The following ARB2A variants were observed in gnomAD, a reference collection of about 807,000 sequenced individuals.
The protein encoded by ARB2A is cotranscriptional regulator ARB2A.
chr5:94,080,249 T>A, the ARB2A span, among the ~76,000 whole-genome samples: 1 of 152,084 alleles, frequency 6.6e-6, no homozygotes, highest in African/African-American at 2.4e-5. Flanking sequence ...TATAAACTAC[T>A]TAAGAGACTC....
chr5:93,899,303 A>G, the ARB2A span, among the ~76,000 whole-genome samples: 2 of 152,140 alleles, frequency 1.3e-5, no homozygotes, highest in African/African-American at 4.8e-5. Context: ...GACAGCTTAG[A>G]GCAGTATGCA....
chr5:93,824,219 T>C, the ARB2A span: 20 of 1,592,796 alleles, frequency 1.3e-5, no homozygotes, highest in South Asian at 1.9e-4. Context: ...GCCTGAGCTA[T>C]GAAATGATCC....
the ARB2A span, among the ~76,000 whole-genome samples, chr5:93,918,949 T>C: frequency 2.6e-5 from 4 of 152,150 alleles, no homozygotes; most frequent in Non-Finnish European, 5.9e-5. Context: ...TAGTCAAAAG[T>C]GAAACTTGAA....
At chr5:94,052,373 CTTATT>C in the ARB2A span, among the ~76,000 whole-genome samples, 1 of 152,166 alleles carries the variant, frequency 6.6e-6, no homozygotes, top group African/African-American at 2.4e-5. Flanking sequence ...TTTCTAGTCT[CTTATT>C]TTAAACTCAA....
chr5:93,970,589 T>G, the ARB2A span, among the ~76,000 whole-genome samples: 1 of 152,112 alleles, frequency 6.6e-6, no homozygotes, highest in Non-Finnish European at 1.5e-5. Flanking sequence ...GGGGTTTGAT[T>G]CTCCCCACAA....
At chr5:93,913,472 AT>A in the ARB2A span, among the ~76,000 whole-genome samples, 4 of 152,054 alleles carry the variant, frequency 2.6e-5, no homozygotes, top group East Asian at 7.7e-4. Context: ...TCCTCCTCGG[AT>A]ACTAGAGCCA....
At chr5:94,057,844 CCAAA>C in the ARB2A span, among the ~76,000 whole-genome samples, 6 of 152,044 alleles carry the variant, frequency 3.9e-5, no homozygotes, top group Non-Finnish European at 7.4e-5. Flanking sequence ...AAGGAAGAAC[CCAAA>C]CAAAGAATGA....
the ARB2A span, among the ~76,000 whole-genome samples, chr5:94,004,421 A>T: frequency 6.6e-6 from 1 of 152,150 alleles, no homozygotes; most frequent in Non-Finnish European, 1.5e-5. Context: ...CTCTACTAAA[A>T]AATACACAAA....
At chr5:93,955,618 C>A in the ARB2A span, among the ~76,000 whole-genome samples, 1 of 152,158 alleles carries the variant, frequency 6.6e-6, no homozygotes, top group Non-Finnish European at 1.5e-5. Context: ...GTAATTTAAA[C>A]TTTTACTTTT....
the ARB2A span, among the ~76,000 whole-genome samples, chr5:93,651,310 T>C: frequency 6.6e-6 from 1 of 152,036 alleles, no homozygotes; most frequent in African/African-American, 2.4e-5. Flanking sequence ...TAATTTTTTA[T>C]TTTTTGTAGA....
At chr5:93,947,749 G>A in the ARB2A span, among the ~76,000 whole-genome samples, 1 of 140,616 alleles carries the variant, frequency 7.1e-6, no homozygotes, top group Non-Finnish European at 1.5e-5. Context: ...TCCCACCTAT[G>A]AGTGAGAATA....
the ARB2A span, among the ~76,000 whole-genome samples, chr5:94,020,249 G>A: frequency 4.6e-5 from 7 of 151,016 alleles, no homozygotes; most frequent in Non-Finnish European, 1.0e-4. Context: ...GGGCGGGGGG[G>A]GTAACATCAC....
chr5:94,072,336 T>C, the ARB2A span, among the ~76,000 whole-genome samples: 15 of 151,806 alleles, frequency 9.9e-5, no homozygotes, highest in South Asian at 6.2e-4. Context: ...TAGGATCGAA[T>C]TGCACAGAAC....
the ARB2A span, among the ~76,000 whole-genome samples, chr5:93,744,151 C>A: frequency 2.6e-5 from 4 of 151,974 alleles, no homozygotes; most frequent in East Asian, 1.9e-4. Context: ...TAAAAAGTAA[C>A]CTTGGCCAGG....
chr5:93,897,054 G>A, the ARB2A span, among the ~76,000 whole-genome samples: 1 of 151,968 alleles, frequency 6.6e-6, no homozygotes, highest in African/African-American at 2.4e-5. Context: ...GGAAAGTATA[G>A]GTTGGCATAT....
At chr5:93,872,655 T>C in the ARB2A span, among the ~76,000 whole-genome samples, 2 of 152,120 alleles carry the variant, frequency 1.3e-5, no homozygotes, top group African/African-American at 2.4e-5. Context: ...CGGTGGCTGA[T>C]GCCTGTAATC....
chr5:93,881,385 C>T, the ARB2A span: 1 of 1,005,576 alleles, frequency 9.9e-7, no homozygotes, highest in African/African-American at 1.7e-5. Context: ...AATTAATATT[C>T]TTGAAGAAAA....
At chr5:94,010,146 T>A in the ARB2A span, among the ~76,000 whole-genome samples, 3 of 152,144 alleles carry the variant, frequency 2.0e-5, no homozygotes, top group African/African-American at 4.8e-5. Context: ...AGGTCACCAA[T>A]CTTAAACCTT....
the ARB2A span, among the ~76,000 whole-genome samples, chr5:93,888,653 T>C: frequency 1.3e-5 from 2 of 151,870 alleles, no homozygotes; most frequent in Non-Finnish European, 2.9e-5. Flanking sequence ...TTTGACCCAA[T>C]CATATATCAT....
Sources: gnomAD v4.1 joint callset for allele counts (sites outside exome capture counted in the v4.1 genomes callset) on GRCh38, gnomAD v4.1.1 for gene constraint, MANE v1.5 for transcripts, NCBI Gene and HGNC (gene_info 2026-07-23, HGNC 2026-07-21) for gene names.